ASAP1: variants seen among roughly 807,000 people sequenced by gnomAD.
The protein encoded by ASAP1 is arf-GAP with SH3 domain, ANK repeat and PH domain-containing protein 1.
In ASAP1, 43 loss-of-function variants were observed where a neutral mutation model predicts 145.2. The ratio of observed to expected loss-of-function variants is 0.30; its 90% CI spans 0.23 to 0.38. The LOEUF (loss-of-function observed/expected upper bound fraction) is 0.38, where lower values mean the gene tolerates loss of function less well. ASAP1 is among the 10% of genes least tolerant of loss of function. The probability of loss-of-function intolerance (pLI) is 1.00; values close to 1 mark genes in which losing one functional copy is unlikely to be tolerated. For synonymous variants in ASAP1, 546 were observed against 515.5 expected (o/e 1.06, Z -0.80); for missense variants, 1,018 against 1,355.3 (o/e 0.75, Z 3.91).
intron 2 of ASAP1, among the ~76,000 whole-genome samples, chr8:130,392,910 C>T (rs373515324): frequency 1.3e-4 from 20 of 152,200 alleles, no homozygotes; most frequent in African/African-American, 4.8e-4. Flanking sequence ...CCCATCAGGC[C>T]CCACCTTCAA....
intron 5 of ASAP1, among the ~76,000 whole-genome samples, chr8:130,198,195 G>A (rs573036583): frequency 1.4e-5 from 2 of 146,644 alleles, no homozygotes; most frequent in South Asian, 4.3e-4. Context: ...GTGCAGCCTT[G>A]CTCACTGCAA....
intron 13 of ASAP1, 146 bp from the exon 14 acceptor site, chr8:130,137,184 G>A: frequency 1.4e-6 from 1 of 700,314 alleles, no homozygotes; most frequent in South Asian, 1.7e-5. Context: ...ACAGACATCT[G>A]AGCATTGTTC....
intron 2 of ASAP1, among the ~76,000 whole-genome samples, chr8:130,390,932 A>AC (rs1828247467): frequency 1.7e-4 from 23 of 138,274 alleles, no homozygotes; most frequent in African/African-American, 3.9e-4. Context: ...CTGGGTATAT[A>AC]TCCCCCGCCC....
Position 130,112,170 on chromosome 8 carries a change from G to A in ASAP1, c.2325C>T (p.Phe775=), listed in dbSNP as rs747583877. The change falls in exon 24 of 30, where the codon TTC becomes TTT. Residue 775 remains phenylalanine (F), a synonymous_variant. Transcript: ENST00000518721. ...LSYGAFTNQI[F]VSTSTDSPTS... is the part of the protein sequence containing the mutation. ...TGGGCGAGTCTGTGCTTGTGGAAACGAAGATCTGGTTGGTGAAGGCTCCAT... is the reference window on the plus strand; with the variant it reads ...TGGGCGAGTCTGTGCTTGTGGAAACAAAGATCTGGTTGGTGAAGGCTCCAT... The A allele has an allele frequency of 3.7e-6, 6 of 1,613,992 alleles. No homozygotes were observed. Among genetic ancestry groups the A allele is most frequent in the African/African-American group, 1.3e-5 (1 of 74,906 alleles).
chr8:130,432,872 C>A (rs1830185366), intron 1 of ASAP1, among the ~76,000 whole-genome samples: 1 of 152,178 alleles, frequency 6.6e-6, no homozygotes. Flanking sequence ...GGAATAGGAC[C>A]CAGTGATTCA....
chr8:130,169,152 T>G, intron 9 of ASAP1, 85 bp from the exon 10 acceptor site: 1 of 773,510 alleles, frequency 1.3e-6, no homozygotes. Flanking sequence ...AAAAAGGAAC[T>G]ATAATAACCT....
chr8:130,109,538 T>C (rs551486441), intron 24 of ASAP1, among the ~76,000 whole-genome samples: 9 of 152,080 alleles, frequency 5.9e-5, no homozygotes, highest in Non-Finnish European at 1.2e-4. Flanking sequence ...TGACTTCTGC[T>C]GCAAATAGAG....
chr8:130,134,504 T>C (rs532219236), intron 14 of ASAP1, among the ~76,000 whole-genome samples, 160 bp from the exon 15 acceptor site: 1 of 152,298 alleles, frequency 6.6e-6, no homozygotes, highest in African/African-American at 2.4e-5. Context: ...TGTATATTAT[T>C]GCTAATCTTC....
chr8:130,216,918 T>G (rs1816962073), intron 4 of ASAP1, among the ~76,000 whole-genome samples: 1 of 152,240 alleles, frequency 6.6e-6, no homozygotes, highest in African/African-American at 2.4e-5. Context: ...TACTTTTGCC[T>G]CCCAGCAGTC....
At chr8:130,164,226 T>A (rs1028131715) in intron 11 of ASAP1, among the ~76,000 whole-genome samples, 3 of 152,184 alleles carry the variant, frequency 2.0e-5, no homozygotes, top group African/African-American at 7.2e-5. Flanking sequence ...ATAAGTGAAT[T>A]CAAACAAAAC....
chr8:130,133,001 AG>A (rs1451860236), intron 15 of ASAP1, among the ~76,000 whole-genome samples: 9 of 152,184 alleles, frequency 5.9e-5, no homozygotes, highest in Non-Finnish European at 4.4e-5. Context: ...AAAAGAAGTG[AG>A]TATAAGGCAA....
chr8:130,391,807 G>A (rs6994477), intron 2 of ASAP1, among the ~76,000 whole-genome samples: 5,041 of 152,306 alleles, frequency 0.033, 107 homozygotes, highest in African/African-American at 0.064. Flanking sequence ...GAGCTCCTGT[G>A]ACAATCCCAG....
In ASAP1 at chr8:130,060,640, G is replaced by A; in HGVS notation, c.3131C>T (p.Ser1044Phe). Residue 1044 changes from serine to phenylalanine, a missense_variant, in exon 28 of 30, where the codon TCC becomes TTC. Physicochemically the swap from Ser to Phe is radical, Grantham distance 155. Around this residue, in one of 9 missense-constraint regions of ASAP1, gnomAD observed 139 missense variants for 131.0 expected, o/e 1.06. Transcript: ENST00000518721. ...TGGCAGAGTAGGCGTGAGGTCGTTG[G>A]AGTCTTCAGATGCTTGCTTTTGGAT... ...DAIQKQASED[S>F]NDLTPTLPET... 1.2e-6 allele frequency: 2 copies of A among 1,614,154 alleles called. No individual in the cohort carries two copies. Among genetic ancestry groups the A allele is most frequent in the Middle Eastern group, 1.7e-4 (1 of 6,060 alleles).
At chr8:130,374,078 A>G (rs1020100366) in intron 2 of ASAP1, among the ~76,000 whole-genome samples, 10 of 149,986 alleles carry the variant, frequency 6.7e-5, no homozygotes, top group African/African-American at 2.4e-4. Context: ...CAAGCTAAGC[A>G]CAGAACTTAG....
intron 3 of ASAP1, among the ~76,000 whole-genome samples, chr8:130,284,022 T>C (rs535319350): frequency 6.6e-6 from 1 of 152,302 alleles, no homozygotes; most frequent in Admixed American, 6.5e-5. Context: ...ACTGGGTATG[T>C]GATGAGGACA....
intron 3 of ASAP1, among the ~76,000 whole-genome samples, chr8:130,300,259 G>C (rs946048864): frequency 6.6e-6 from 1 of 151,830 alleles, no homozygotes; most frequent in Non-Finnish European, 1.5e-5. Context: ...CCATGAGAAT[G>C]GGGAACAACA....
Position 130,093,316 on chromosome 8 carries a change from A to C in ASAP1, c.2402-1173T>G, listed in dbSNP as rs138773752. ...TGGGCACTTTCACTACTATTGCTTT[A>C]TTTAAGGTATATGGTTTAACTGTGT... On this transcript the variant is annotated intron_variant, in intron 24 of 29. Coordinates refer to ENST00000518721, the MANE Select transcript of ASAP1 (RefSeq NM_018482.4). 1.9e-4 allele frequency among the ~76,000 whole-genome samples: 29 copies of C among 152,198 alleles called. No homozygotes were observed. In the East Asian group the frequency reaches 5.4e-3, roughly 28 times the overall value.
At chr8:130,299,972 C>T (rs1246985742) in intron 3 of ASAP1, among the ~76,000 whole-genome samples, 1 of 151,920 alleles carries the variant, frequency 6.6e-6, no homozygotes, top group South Asian at 2.1e-4. Context: ...GTGAAATGAG[C>T]CACATATGCA....
intron 13 of ASAP1, among the ~76,000 whole-genome samples, chr8:130,139,869 G>A (rs187482327): frequency 7.4e-5 from 11 of 149,038 alleles, no homozygotes; most frequent in Admixed American, 3.3e-4. Flanking sequence ...AGATTTCTCC[G>A]GTGTTTCTGA....
Sources: allele counts gnomAD v4.1 joint callset (sites outside exome capture counted in the v4.1 genomes callset), GRCh38; gene constraint gnomAD v4.1.1; regional missense constraint gnomAD v4.1.1; transcripts MANE v1.5; gene names NCBI Gene and HGNC (gene_info 2026-07-23, HGNC 2026-07-21).